The following OR10J1 variants were observed in gnomAD, a reference collection of about 807,000 sequenced individuals.
OR10J1 encodes olfactory receptor family 10 subfamily J member 1.
For missense variants in OR10J1, 474 were observed against 376.6 expected, an observed-to-expected ratio of 1.26 and a Z score of -2.14; for synonymous variants, 202 against 143.8, an observed-to-expected ratio of 1.40 and a Z score of -2.89.
At chr1:159,412,417 C>T in the OR10J1 span, among the ~76,000 whole-genome samples, 54 of 150,504 alleles carry the variant, frequency 3.6e-4, no homozygotes, top group South Asian at 2.4e-3. Context: ...GGAGGCATCA[C>T]GCTACCTGAC....
chr1:159,400,797 T>C, the OR10J1 span, among the ~76,000 whole-genome samples: 8 of 151,812 alleles, frequency 5.3e-5, no homozygotes, highest in African/African-American at 1.9e-4. Flanking sequence ...GAACATTTCA[T>C]ACAAGAGCTG....
chr1:159,407,260 G>A, the OR10J1 span, among the ~76,000 whole-genome samples: 1 of 152,112 alleles, frequency 6.6e-6, no homozygotes, highest in Admixed American at 6.6e-5. Context: ...GTAATGGGAA[G>A]CAGTATGTAC....
the OR10J1 span, among the ~76,000 whole-genome samples, chr1:159,426,909 T>C: frequency 6.6e-6 from 1 of 151,966 alleles, no homozygotes; most frequent in Non-Finnish European, 1.5e-5. Context: ...CTAAGCACTT[T>C]GAAATATTTA....
chr1:159,399,846 GA>G, the OR10J1 span, among the ~76,000 whole-genome samples: 3 of 152,102 alleles, frequency 2.0e-5, no homozygotes, highest in South Asian at 4.2e-4. Context: ...GATATAAATA[GA>G]AACAATGAAA....
the OR10J1 span, among the ~76,000 whole-genome samples, chr1:159,416,010 A>G: frequency 6.6e-6 from 1 of 151,906 alleles, no homozygotes; most frequent in Non-Finnish European, 1.5e-5. Context: ...TAAAAATGCC[A>G]TTGATTTTTG....
At chr1:159,433,285 A>C, upstream of OR10J1, 2 of 396,694 alleles carry the variant, frequency 5.0e-6, no homozygotes, top group Non-Finnish European at 8.9e-6. Context: ...AGATTGAAAA[A>C]AGAAAGAAAA....
the OR10J1 span, among the ~76,000 whole-genome samples, chr1:159,420,997 C>A: frequency 6.6e-6 from 1 of 152,124 alleles, no homozygotes; most frequent in Admixed American, 6.5e-5. Flanking sequence ...GGTTTCTAAA[C>A]CTTTTGTTTT....
At chr1:159,403,303 T>C in the OR10J1 span, among the ~76,000 whole-genome samples, 1 of 152,032 alleles carries the variant, frequency 6.6e-6, no homozygotes, top group Non-Finnish European at 1.5e-5. Context: ...TAGTAAAGTA[T>C]ACATTCGACA....
the OR10J1 span, among the ~76,000 whole-genome samples, chr1:159,399,835 A>G: frequency 6.6e-6 from 1 of 152,140 alleles, no homozygotes. Context: ...CAGTACAATA[A>G]GATATAAATA....
the OR10J1 span, among the ~76,000 whole-genome samples, chr1:159,404,344 A>G: frequency 1.3e-5 from 2 of 152,108 alleles, no homozygotes; most frequent in East Asian, 3.9e-4. Flanking sequence ...TCCAGGAATG[A>G]ATATAGACTC....
chr1:159,430,956 C>A, the OR10J1 span, among the ~76,000 whole-genome samples: 2 of 151,982 alleles, frequency 1.3e-5, no homozygotes. Flanking sequence ...GGGGTTAAAG[C>A]CAGAGATTAT....
the OR10J1 span, among the ~76,000 whole-genome samples, chr1:159,397,758 T>C: frequency 1.3e-5 from 2 of 152,180 alleles, no homozygotes; most frequent in East Asian, 1.9e-4. Context: ...GATAGTCTCC[T>C]AAGGTTTTTG....
chr1:159,404,356 G>A, the OR10J1 span, among the ~76,000 whole-genome samples: 5 of 151,894 alleles, frequency 3.3e-5, no homozygotes, highest in Admixed American at 6.6e-5. Context: ...TATAGACTCC[G>A]GGAAAGGAAC....
chr1:159,432,332 T>C, the OR10J1 span: 1 of 401,356 alleles, frequency 2.5e-6, no homozygotes. Context: ...TTGCCAGCAA[T>C]GCTATCATCT....
the OR10J1 span, among the ~76,000 whole-genome samples, chr1:159,400,279 T>G: frequency 7.3e-4 from 111 of 152,058 alleles, 1 homozygote; most frequent in African/African-American, 2.6e-3. Flanking sequence ...GAAAATACAT[T>G]GACTGACTGA....
the OR10J1 span, among the ~76,000 whole-genome samples, chr1:159,418,946 C>G: frequency 6.6e-6 from 1 of 152,178 alleles, no homozygotes; most frequent in Non-Finnish European, 1.5e-5. Flanking sequence ...TTGACTGCCC[C>G]ATGGGATTTC....
the OR10J1 span, among the ~76,000 whole-genome samples, chr1:159,413,597 C>G: frequency 6.6e-6 from 1 of 151,056 alleles, no homozygotes; most frequent in Non-Finnish European, 1.5e-5. Context: ...GAACAAAAAA[C>G]CAAACACCAA....
Position 159,440,568 on chromosome 1 carries a change from C to G in OR10J1, c.777C>G (p.Leu259=). The G allele has an allele frequency of 3.1e-6, 5 of 1,614,064 alleles. No homozygotes were observed. Among genetic ancestry groups the G allele is most frequent in the Admixed American group, 1.7e-5 (1 of 60,010 alleles). ...ACAGCTGTGCCTCCATTGCCTACCTCAAGCCCAAGTCAGAGAACACCAGAG... is the reference window on the plus strand; with the variant it reads ...ACAGCTGTGCCTCCATTGCCTACCTGAAGCCCAAGTCAGAGAACACCAGAG... ...VHYSCASIAY[L]KPKSENTREH... The change falls in exon 1 of 1, where the codon CTC becomes CTG. Residue 259 remains leucine, a synonymous_variant. Coordinates refer to ENST00000423932, the MANE Select transcript of OR10J1 (RefSeq NM_012351.3).
the OR10J1 span, among the ~76,000 whole-genome samples, chr1:159,399,880 G>A: frequency 6.6e-6 from 1 of 152,082 alleles, no homozygotes; most frequent in South Asian, 2.1e-4. Context: ...GGAGGACAAA[G>A]TTAAGGCAAG....
Sources: allele counts gnomAD v4.1 joint callset (sites outside exome capture counted in the v4.1 genomes callset), GRCh38; gene constraint gnomAD v4.1.1; transcripts MANE v1.5; gene names NCBI Gene and HGNC (gene_info 2026-07-23, HGNC 2026-07-21).